RUNX1: variants seen among roughly 807,000 people sequenced by gnomAD.
The protein encoded by RUNX1 is runt-related transcription factor 1.
Under a neutral mutation model 42.8 loss-of-function variants are expected in RUNX1, and 19 were observed. The ratio of observed to expected loss-of-function variants is 0.44; its 90% CI spans 0.31 to 0.65. The LOEUF (loss-of-function observed/expected upper bound fraction) is 0.65, where lower values mean the gene tolerates loss of function less well. Among genes scored for constraint, RUNX1 ranks in the 30% least tolerant of loss-of-function variants. RUNX1 has a pLI of 0.07. For synonymous variants in RUNX1, 271 were observed against 289.4 expected, an observed-to-expected ratio of 0.94 and a Z score of 0.64; for missense variants, 528 against 672.0, an observed-to-expected ratio of 0.79 and a Z score of 2.37.
chr21:34,847,689 T>C (rs2057337112), intron 6 of RUNX1, among the ~76,000 whole-genome samples: 1 of 152,134 alleles, frequency 6.6e-6, no homozygotes, highest in South Asian at 2.1e-4. Context: ...GCATAGGTGC[T>C]TCATGTTAAG....
chr21:35,010,614 TACAC>T (rs922286021), intron 2 of RUNX1, among the ~76,000 whole-genome samples: 5 of 147,228 alleles, frequency 3.4e-5, no homozygotes, highest in African/African-American at 1.3e-4. Context: ...CTACCGTGAG[TACAC>T]ACACACGCAC....
chr21:34,951,669 A>G (rs2058608874), intron 2 of RUNX1, among the ~76,000 whole-genome samples: 1 of 152,252 alleles, frequency 6.6e-6, no homozygotes, highest in Admixed American at 6.5e-5. Flanking sequence ...AATCAAAACC[A>G]CAATGAGATA....
intron 7 of RUNX1, among the ~76,000 whole-genome samples, chr21:34,823,161 A>G (rs1320071167): frequency 6.6e-6 from 1 of 152,212 alleles, no homozygotes; most frequent in African/African-American, 2.4e-5. Context: ...AGCTCCTGAT[A>G]CTCAAGTTAG....
At position 34,995,027 on chromosome 21, in the gene RUNX1, C is replaced by T. The variant is rs73203036; in HGVS notation, c.58+53815G>A. ...AGTCTAGGAGAACATGAATCAGCCC[C>T]GCATGGACACCCGTGGCATTTAAGC... On this transcript the variant is annotated intron_variant, in intron 2 of 8. Transcript: ENST00000675419. Among the ~76,000 whole-genome samples, 554 of 152,298 alleles carry T rather than the reference C, an allele frequency of 3.6e-3. 6 individuals are homozygous for T. The highest frequency in any genetic ancestry group is 5.9e-3 in the Non-Finnish European group (399 of 68,036).
chr21:34,946,070 T>G (rs1401233190), intron 2 of RUNX1, among the ~76,000 whole-genome samples: 1 of 152,200 alleles, frequency 6.6e-6, no homozygotes, highest in Non-Finnish European at 1.5e-5. Context: ...CTACCTTCAC[T>G]ATAACAAGTG....
chr21:34,991,156 T>C (rs980533062), intron 2 of RUNX1, among the ~76,000 whole-genome samples: 4 of 152,186 alleles, frequency 2.6e-5, no homozygotes, highest in Non-Finnish European at 5.9e-5. Context: ...GCCTCTGTGG[T>C]TCCACCTTGC....
In RUNX1 at chr21:35,008,585, T is replaced by G. The variant is rs374010761; in HGVS notation, c.58+40257A>C. On this transcript the variant is annotated intron_variant, in intron 2 of 8. Transcript: ENST00000675419. ...AAAGGGAAAAGTTAGGTTGTGCACA[T>G]CTGCATAGGCAGACTTTCTAATTTT... 1.2e-4 allele frequency among the ~76,000 whole-genome samples: 18 copies of G among 152,368 alleles called. 1 individual carries two copies. In the South Asian group the frequency reaches 3.5e-3, roughly 30 times the overall value.
chr21:34,988,424 G>A (rs956246459), intron 2 of RUNX1, among the ~76,000 whole-genome samples: 2 of 152,182 alleles, frequency 1.3e-5, no homozygotes, highest in African/African-American at 4.8e-5. Flanking sequence ...CAGATCCCAG[G>A]GAAGGGGATG....
At chr21:35,020,958 C>G (rs139757955) in intron 2 of RUNX1, among the ~76,000 whole-genome samples, 22 of 152,308 alleles carry the variant, frequency 1.4e-4, no homozygotes, top group Admixed American at 3.3e-4. Context: ...GGCTTCCCAT[C>G]ATCTCCACTT....
chr21:35,016,856 C>A (rs945333008), intron 2 of RUNX1, among the ~76,000 whole-genome samples: 1 of 150,638 alleles, frequency 6.6e-6, no homozygotes, highest in Non-Finnish European at 1.5e-5. Context: ...TCCGTAGAAT[C>A]TCTGGGACTT....
In RUNX1 at chr21:34,907,023, T is replaced by C. The variant is rs1416061547; in HGVS notation, c.59-14060A>G. Among the ~76,000 whole-genome samples the C allele has an allele frequency of 2.0e-5, 3 of 152,206 alleles. No homozygotes were observed. Among genetic ancestry groups the C allele is most frequent in the African/African-American group, 7.2e-5 (3 of 41,454 alleles). ...CCCTCTGACTTTAGTGAGTGTACAA[T>C]GCAAATAGGTGTTTTGATATTGTCA... On this transcript the variant is annotated intron_variant, in intron 2 of 8. Transcript: ENST00000675419. This position sits in a 1 kb window ranked among gnomAD's most constrained non-coding sequence, Gnocchi z 5.3.
chr21:34,868,689 C>T (rs2057696933), intron 5 of RUNX1, among the ~76,000 whole-genome samples: 1 of 152,246 alleles, frequency 6.6e-6, no homozygotes, highest in Non-Finnish European at 1.5e-5. Context: ...TTGGCTCCCG[C>T]CACACCCATC....
In RUNX1 at chr21:34,790,765, T is replaced by C. The variant is rs2056423974; in HGVS notation, c.*1370A>G. The C allele has an allele frequency of 4.3e-6, 1 of 233,144 alleles. No individual in the cohort carries two copies. The highest frequency in any genetic ancestry group is 2.2e-5 in the African/African-American group (1 of 45,332). 14.4% of individuals were successfully genotyped at this position (233,144 alleles called of 1,614,324 possible). On this transcript the variant is annotated 3_prime_UTR_variant, in exon 9 of 9. Transcript: ENST00000675419. ...CTCCACTGAGGCACACAGAGGCAAA[T>C]TGACTCCTCGAGGCCTGCTTCTGGT...
chr21:34,823,004 C>A (rs1192580036), intron 7 of RUNX1, among the ~76,000 whole-genome samples: 1 of 152,200 alleles, frequency 6.6e-6, no homozygotes, highest in Non-Finnish European at 1.5e-5. Flanking sequence ...TAAAGAGGAA[C>A]TGGCACAGCA....
intron 2 of RUNX1, among the ~76,000 whole-genome samples, chr21:34,904,410 A>G (rs1425452181): frequency 6.6e-6 from 1 of 152,186 alleles, no homozygotes; most frequent in African/African-American, 2.4e-5. Flanking sequence ...AGATCATCCA[A>G]AAATTATTAG....
chr21:34,890,499 TG>T (rs1191653328), intron 3 of RUNX1, among the ~76,000 whole-genome samples: 1 of 151,872 alleles, frequency 6.6e-6, no homozygotes, highest in Non-Finnish European at 1.5e-5. Context: ...CCCCTGTTCC[TG>T]GGGCTTGACT....
intron 5 of RUNX1, among the ~76,000 whole-genome samples, chr21:34,865,088 T>C (rs1431765987): frequency 1.3e-5 from 2 of 152,016 alleles, no homozygotes; most frequent in Non-Finnish European, 2.9e-5. Context: ...CTCGTAGCAT[T>C]GTTCTGCAGG....
chr21:34,942,482 T>C (rs1311670482), intron 2 of RUNX1, among the ~76,000 whole-genome samples: 1 of 152,254 alleles, frequency 6.6e-6, no homozygotes, highest in Non-Finnish European at 1.5e-5. Flanking sequence ...TTCTTCCCTC[T>C]GCTCTGAGCT....
chr21:35,022,002 T>C (rs1488722372), intron 2 of RUNX1, among the ~76,000 whole-genome samples: 1 of 152,230 alleles, frequency 6.6e-6, no homozygotes, highest in Admixed American at 6.5e-5. Context: ...CAGGCGAGAA[T>C]GATCCCCAAG....
Sources: allele counts gnomAD v4.1 joint callset (sites outside exome capture counted in the v4.1 genomes callset), GRCh38; gene constraint gnomAD v4.1.1; non-coding constraint Gnocchi (gnomAD v3.1); transcripts MANE v1.5; gene names NCBI Gene and HGNC (gene_info 2026-07-23, HGNC 2026-07-21).